Variants in HTD2 observed in about 807,000 individuals in gnomAD.
HTD2 encodes the protein hydroxyacyl-thioester dehydratase type 2.
In HTD2, 1 loss-of-function variant was observed where a neutral mutation model predicts 3.1. That is an observed-to-expected ratio of 0.32 (90% CI 0.11 to 1.52). The LOEUF is 1.52. Ranked by LOEUF, HTD2 falls within the 40% of genes most tolerant of loss-of-function variation. The pLI, the probability that HTD2 is intolerant of heterozygous loss-of-function variation, is 0.39. For missense variants in HTD2, 150 were observed against 79.6 expected, an observed-to-expected ratio of 1.88 and a Z score of -3.36; for synonymous variants, 50 against 28.9, an observed-to-expected ratio of 1.73 and a Z score of -2.34.
intron 1 of HTD2, chr3:58,310,118 T>C: frequency 1.8e-6 from 1 of 558,082 alleles, no homozygotes; most frequent in Non-Finnish European, 3.2e-6. Flanking sequence ...GAGGATCACC[T>C]GAGCCTCGAG....
At chr3:58,316,383 G>A (rs933120104) in intron 2 of HTD2, 132 bp from the exon 3 acceptor site, 15 of 764,270 alleles carry the variant, frequency 2.0e-5, no homozygotes, top group Non-Finnish European at 3.3e-5. Context: ...GGCAACTAAA[G>A]TGCCAGCACC....
chr3:58,307,618 CAGGAGACTG>C (rs1330407892), intron 1 of HTD2: 1 of 152,136 alleles, frequency 6.6e-6, no homozygotes, highest in Non-Finnish European at 1.5e-5. Flanking sequence ...CCCAGCTACT[CAGGAGACTG>C]AGGAGCGAGA....
chr3:58,314,077 G>A (rs566729285), intron 2 of HTD2, among the ~76,000 whole-genome samples: 3 of 152,254 alleles, frequency 2.0e-5, no homozygotes, highest in African/African-American at 4.8e-5. Context: ...CACATGGGGC[G>A]TGGTGGCTCA....
intron 2 of HTD2, among the ~76,000 whole-genome samples, chr3:58,315,495 T>G (rs1024566490): frequency 2.0e-5 from 3 of 152,070 alleles, no homozygotes; most frequent in African/African-American, 7.2e-5. Context: ...GTGGGAAAAT[T>G]ACATAGAGCC....
intron 1 of HTD2, chr3:58,307,910 A>T (rs76527737): frequency 6.7e-6 from 1 of 148,790 alleles, no homozygotes; most frequent in East Asian, 2.0e-4. Context: ...CATAAAATTT[A>T]TCGTAAGTAG....
At chr3:58,314,776 C>T (rs988938288) in intron 2 of HTD2, among the ~76,000 whole-genome samples, 1 of 151,072 alleles carries the variant, frequency 6.6e-6, no homozygotes, top group Non-Finnish European at 1.5e-5. Flanking sequence ...CCTCCGCCTC[C>T]CAGGTTCAGG....
In HTD2 at chr3:58,316,589, C is replaced by A; in HGVS notation, c.-256C>A. 1 of 1,612,818 alleles carries A rather than the reference C, an allele frequency of 6.2e-7. No individual in the cohort carries two copies. The highest frequency in any genetic ancestry group is 8.5e-7 in the Non-Finnish European group (1 of 1,178,870). ...TGTCAGCCATCTTGAGAATATGTAG[C>A]AGGTATGACAGAGAGTGGGAAATTT... On this transcript the variant is annotated splice_region_variant and 5_prime_UTR_variant, in exon 3 of 5. Transcript: ENST00000461393.
chr3:58,310,427 T>C (rs1460464255), intron 1 of HTD2, 80 bp from the exon 2 acceptor site: 2 of 1,612,614 alleles, frequency 1.2e-6, no homozygotes, highest in Non-Finnish European at 1.7e-6. Flanking sequence ...TTTCCTAAGT[T>C]CTATTTTAGA....
intron 3 of HTD2, 147 bp downstream of exon 3, chr3:58,316,738 C>A: frequency 1.1e-6 from 1 of 881,714 alleles, no homozygotes; most frequent in Non-Finnish European, 1.8e-6. Flanking sequence ...TATGAACATT[C>A]ATCCACCAGA....
intron 4 of HTD2, 69 bp downstream of exon 4, chr3:58,317,062 A>G (rs2097489053): frequency 9.0e-7 from 1 of 1,115,290 alleles, no homozygotes; most frequent in African/African-American, 1.6e-5. Flanking sequence ...TAATATACAC[A>G]ACTCATTTTT....
chr3:58,311,299 C>T (rs1383135885), intron 2 of HTD2, among the ~76,000 whole-genome samples: 1 of 152,158 alleles, frequency 6.6e-6, no homozygotes, highest in Non-Finnish European at 1.5e-5. Flanking sequence ...AGATTACAGG[C>T]ACACGCTACC....
At chr3:58,314,675 A>ATTTTT (rs751757663) in intron 2 of HTD2, among the ~76,000 whole-genome samples, 1,303 of 90,614 alleles carry the variant, frequency 0.014, 47 homozygotes, top group African/African-American at 0.021. Context: ...GTTTGGCAGT[A>ATTTTT]TTTTTTTTTT....
At chr3:58,316,483 A>C (rs1405361069) in intron 2 of HTD2, 32 bp from the exon 3 acceptor site, 4 of 1,578,992 alleles carry the variant, frequency 2.5e-6, no homozygotes, top group East Asian at 2.2e-5. Context: ...AATGGTGAGA[A>C]TAGCCTGCTA....
Position 58,310,303 on chromosome 3 carries a change from C to T in HTD2, c.-415-204C>T, listed in dbSNP as rs370681119. On this transcript the variant is annotated intron_variant, in intron 1 of 4. Transcript: ENST00000461393. ...GGTCATTTCTAGCCCTCTTGACTTA[C>T]TGTAGGTGTGATCAGCACTGGAAAA... The T allele has an allele frequency of 9.1e-4, 1,468 of 1,604,564 alleles. 1 individual carries two copies. The highest frequency in any genetic ancestry group is 1.1e-3 in the Non-Finnish European group (1,297 of 1,171,480).
chr3:58,309,427 C>T (rs747161976), intron 1 of HTD2, among the ~76,000 whole-genome samples: 1 of 152,178 alleles, frequency 6.6e-6, no homozygotes, highest in Non-Finnish European at 1.5e-5. Flanking sequence ...AAATGTTTAG[C>T]AAAGAGCTGG....
chr3:58,316,617 A>G (rs1339825301), intron 3 of HTD2, 26 bp downstream of exon 3: 2 of 1,588,366 alleles, frequency 1.3e-6, no homozygotes, highest in Admixed American at 1.7e-5. Context: ...GGAAATTTCT[A>G]GTATAACAGG....
At chr3:58,310,091 TCAGGAGTCTGAGG>T in intron 1 of HTD2, 1 of 522,316 alleles carries the variant, frequency 1.9e-6, no homozygotes, top group Non-Finnish European at 3.4e-6. Context: ...TCCCAGCTAC[TCAGGAGTCTGAGG>T]CAGGAGGATC....
At chr3:58,308,343 G>A (rs1008038048) in intron 1 of HTD2, among the ~76,000 whole-genome samples, 2 of 152,156 alleles carry the variant, frequency 1.3e-5, no homozygotes, top group Non-Finnish European at 2.9e-5. Context: ...GAGTGCAGTG[G>A]TACAATCACA....
chr3:58,309,347 ATCT>A (rs1356146168), intron 1 of HTD2, among the ~76,000 whole-genome samples: 1 of 152,200 alleles, frequency 6.6e-6, no homozygotes, highest in Non-Finnish European at 1.5e-5. Context: ...CCTCTGTGTC[ATCT>A]TCTCGAAAAT....
Sources: allele counts gnomAD v4.1 joint callset (sites outside exome capture counted in the v4.1 genomes callset), GRCh38; gene constraint gnomAD v4.1.1; transcripts MANE v1.5; gene names NCBI Gene and HGNC (gene_info 2026-07-23, HGNC 2026-07-21).